Variants in CNTLN observed in about 807,000 individuals in gnomAD.
The protein encoded by CNTLN is centlein, centrosomal protein.
Under a neutral mutation model 180.0 loss-of-function variants are expected in CNTLN, and 212 were observed. That is an observed-to-expected ratio of 1.18 (90% CI 1.05 to 1.32). CNTLN has a LOEUF of 1.32. Ranked by LOEUF, CNTLN falls within the 40% of genes most tolerant of loss-of-function variation. The pLI, the probability that CNTLN is intolerant of heterozygous loss-of-function variation, is 0.00. For missense variants in CNTLN, 2,095 were observed against 1,610.9 expected (o/e 1.30, Z -5.14); for synonymous variants, 722 against 563.1 (o/e 1.28, Z -3.99).
the CNTLN span, among the ~76,000 whole-genome samples, chr9:17,517,671 A>G: frequency 6.6e-6 from 1 of 151,934 alleles, no homozygotes; most frequent in South Asian, 2.1e-4. Context: ...GCTAGAACAG[A>G]CCCATGGGAC....
In CNTLN at chr9:17,466,024, T is replaced by C; in HGVS notation, c.3575T>C (p.Ile1192Thr). 1 of 1,605,734 alleles carries C rather than the reference T, an allele frequency of 6.2e-7. No homozygotes were observed. ...GAATGTTCCAACAAGAAGGTATCAA[T>C]TGATTCACTAAAGCAAAGACTTAAC... is the stretch of plus-strand genomic sequence containing the variant. ...TEECSNKKVS[I>T]DSLKQRLNVA... Residue 1192 changes from isoleucine to threonine, a missense_variant, in exon 22 of 26, where the codon ATT (isoleucine) becomes ACT (threonine). Coordinates refer to ENST00000380647, the MANE Select transcript of CNTLN (RefSeq NM_017738.4).
At chr9:17,190,484 G>T (rs957719090) in intron 2 of CNTLN, among the ~76,000 whole-genome samples, 6 of 151,656 alleles carry the variant, frequency 4.0e-5, no homozygotes, top group Admixed American at 2.0e-4. Flanking sequence ...TTTTAACATG[G>T]CTATTAAAAT....
At chr9:17,288,266 C>G (rs1164986676) in intron 6 of CNTLN, among the ~76,000 whole-genome samples, 1 of 116,034 alleles carries the variant, frequency 8.6e-6, no homozygotes, top group African/African-American at 4.0e-5. Context: ...TCATTATGTA[C>G]CCAGTAGTCA....
intron 6 of CNTLN, among the ~76,000 whole-genome samples, chr9:17,280,130 A>T (rs1828575175): frequency 6.6e-6 from 1 of 152,146 alleles, no homozygotes; most frequent in African/African-American, 2.4e-5. Context: ...GGATTCTGTT[A>T]TAAGTAACAA....
At chr9:17,315,372 G>A (rs1181284424) in intron 8 of CNTLN, among the ~76,000 whole-genome samples, 1 of 152,038 alleles carries the variant, frequency 6.6e-6, no homozygotes, top group African/African-American at 2.4e-5. Context: ...TAACAGTAGT[G>A]TGTCCTTTTT....
intron 2 of CNTLN, among the ~76,000 whole-genome samples, chr9:17,215,608 G>C (rs1040097017): frequency 3.3e-5 from 5 of 152,168 alleles, no homozygotes; most frequent in Non-Finnish European, 7.3e-5. Context: ...AGTCTGCAGA[G>C]ATTTCTGCTG....
chr9:17,324,908 A>G (rs892551481), intron 8 of CNTLN, among the ~76,000 whole-genome samples: 1 of 152,012 alleles, frequency 6.6e-6, no homozygotes, highest in African/African-American at 2.4e-5. Flanking sequence ...TTTTTACTCA[A>G]ATGTAGTCAA....
intron 6 of CNTLN, among the ~76,000 whole-genome samples, chr9:17,274,719 G>A (rs190122788): frequency 5.9e-5 from 9 of 152,112 alleles, no homozygotes; most frequent in Non-Finnish European, 1.2e-4. Context: ...CTGCCATTCT[G>A]GTACACATTG....
At chr9:17,402,246 G>T (rs1195286846) in intron 15 of CNTLN, among the ~76,000 whole-genome samples, 1 of 151,790 alleles carries the variant, frequency 6.6e-6, no homozygotes, top group Admixed American at 6.6e-5. Context: ...AAAACAAATA[G>T]GAAGGCATAG....
chr9:17,203,014 CTTG>C (rs1029277344), intron 2 of CNTLN, among the ~76,000 whole-genome samples: 40 of 151,998 alleles, frequency 2.6e-4, no homozygotes, highest in African/African-American at 9.4e-4. Flanking sequence ...TTCAGGAGCT[CTTG>C]TAAGGCAGGC....
chr9:17,438,217 G>A (rs1829893070), intron 18 of CNTLN, among the ~76,000 whole-genome samples: 1 of 152,006 alleles, frequency 6.6e-6, no homozygotes, highest in Non-Finnish European at 1.5e-5. Context: ...TGTAGAATAA[G>A]GACTGAGACT....
chr9:17,368,123 A>G (rs1034542861), intron 13 of CNTLN, among the ~76,000 whole-genome samples: 7 of 151,794 alleles, frequency 4.6e-5, no homozygotes, highest in Non-Finnish European at 7.4e-5. Flanking sequence ...CATTGCACTG[A>G]AAGGTGAGTC....
chr9:17,163,286 G>A (rs1053067422), intron 2 of CNTLN, among the ~76,000 whole-genome samples: 2 of 152,232 alleles, frequency 1.3e-5, no homozygotes, highest in East Asian at 3.9e-4. Flanking sequence ...TGGGGACACA[G>A]CCAAACCATA....
the CNTLN span, among the ~76,000 whole-genome samples, chr9:17,524,514 C>G: frequency 1.3e-5 from 2 of 152,166 alleles, no homozygotes; most frequent in African/African-American, 4.8e-5. Flanking sequence ...AAATGTTAAT[C>G]TCATCCAGAA....
intron 2 of CNTLN, among the ~76,000 whole-genome samples, chr9:17,208,634 A>G (rs1587150286): frequency 6.6e-6 from 1 of 152,090 alleles, no homozygotes; most frequent in Non-Finnish European, 1.5e-5. Context: ...TTATGGCTTC[A>G]ATCTTATTAC....
At chr9:17,436,093 T>G (rs1829757960) in intron 18 of CNTLN, among the ~76,000 whole-genome samples, 1 of 152,218 alleles carries the variant, frequency 6.6e-6, no homozygotes, top group Admixed American at 6.5e-5. Context: ...TATAAACAAT[T>G]TAAAAGCAAG....
At chr9:17,259,033 G>T (rs1331605589) in intron 5 of CNTLN, among the ~76,000 whole-genome samples, 1 of 149,390 alleles carries the variant, frequency 6.7e-6, no homozygotes, top group Non-Finnish European at 1.5e-5. Flanking sequence ...GGTGAGAGAG[G>T]GCATCCCTGT....
At chr9:17,449,753 C>T (rs562621176) in intron 18 of CNTLN, among the ~76,000 whole-genome samples, 1 of 152,268 alleles carries the variant, frequency 6.6e-6, no homozygotes, top group East Asian at 1.9e-4. Context: ...AATTAAAATG[C>T]GTTCATTTAG....
intron 3 of CNTLN, among the ~76,000 whole-genome samples, chr9:17,228,436 T>C (rs569654416): frequency 3.9e-5 from 6 of 152,254 alleles, no homozygotes; most frequent in South Asian, 2.1e-4. Context: ...ATTATAACTT[T>C]CTACAAAGTA....
Sources: allele counts gnomAD v4.1 joint callset (sites outside exome capture counted in the v4.1 genomes callset), GRCh38; gene constraint gnomAD v4.1.1; transcripts MANE v1.5; gene names NCBI Gene and HGNC (gene_info 2026-07-23, HGNC 2026-07-21).